DZIP1: variants seen among roughly 807,000 people sequenced by gnomAD.
The protein encoded by DZIP1 is DAZ interacting zinc finger protein 1.
In DZIP1, 97 loss-of-function variants were observed where a neutral mutation model predicts 107.6. That is an observed-to-expected ratio of 0.90 (90% confidence interval 0.77 to 1.07). DZIP1 has a LOEUF of 1.07. DZIP1 is among the 50% of genes least tolerant of loss of function. DZIP1 has a pLI of 0.00. For synonymous variants in DZIP1, 390 were observed against 386.4 expected, an observed-to-expected ratio of 1.01 and a Z score of -0.11; for missense variants, 1,035 against 1,063.6, an observed-to-expected ratio of 0.97 and a Z score of 0.37.
intron 15 of DZIP1, among the ~76,000 whole-genome samples, chr13:95,595,840 T>C (rs1473915539): frequency 6.6e-6 from 1 of 152,152 alleles, no homozygotes; most frequent in Non-Finnish European, 1.5e-5. Flanking sequence ...TGGGGCCACA[T>C]ACAGGGGCAA....
At chr13:95,615,934 A>C (rs766605169) in intron 10 of DZIP1, among the ~76,000 whole-genome samples, 1 of 152,212 alleles carries the variant, frequency 6.6e-6, no homozygotes, top group Non-Finnish European at 1.5e-5. Context: ...TTCCCATGAA[A>C]CCAAAGTTGT....
chr13:95,593,371 A>G (rs376144872), intron 16 of DZIP1, among the ~76,000 whole-genome samples: 21 of 152,360 alleles, frequency 1.4e-4, no homozygotes, highest in South Asian at 1.0e-3. Flanking sequence ...GCATATGTAG[A>G]TGCACTTTTT....
Position 95,612,832 on chromosome 13 carries a change from G to A in DZIP1, c.1174-655C>T, listed in dbSNP as rs140479098. 4.2e-3 allele frequency among the ~76,000 whole-genome samples: 634 copies of A among 152,130 alleles called. 2 individuals are homozygous for A. The highest frequency in any genetic ancestry group is 0.014 in the African/African-American group (593 of 41,504). On this transcript the variant is annotated intron_variant, in intron 10 of 22. Coordinates refer to ENST00000376829, the MANE Select transcript of DZIP1 (RefSeq NM_198968.4). ...AGTCCTGAACTCAGTCGATCCACCC[G>A]CCTTGGCCTCTCAAAGTGTTGGGAT...
At chr13:95,610,662 A>G (rs1409061) in intron 12 of DZIP1, among the ~76,000 whole-genome samples, 6,644 of 152,222 alleles carry the variant, frequency 0.044, 218 homozygotes, top group Admixed American at 0.11. Flanking sequence ...CTTAATAGGT[A>G]TATTATCCCA....
intron 5 of DZIP1, 67 bp from the exon 6 acceptor site, chr13:95,633,388 A>C: frequency 2.8e-6 from 4 of 1,405,910 alleles, no homozygotes; most frequent in Non-Finnish European, 4.0e-6. Context: ...TTGCAATTAA[A>C]ATTCAGGTAC....
chr13:95,636,762 G>A (rs1393396333), intron 5 of DZIP1, among the ~76,000 whole-genome samples: 1 of 152,146 alleles, frequency 6.6e-6, no homozygotes, highest in African/African-American at 2.4e-5. Context: ...TTTCCCAGAA[G>A]TAGAGAAGCC....
intron 5 of DZIP1, among the ~76,000 whole-genome samples, chr13:95,634,052 C>A (rs1012646270): frequency 1.1e-4 from 17 of 152,206 alleles, no homozygotes; most frequent in African/African-American, 4.1e-4. Context: ...GCCCCTGATG[C>A]TGCTCTTGTT....
rs577965114 is a variant in DZIP1 at position 95,587,753 on chromosome 13, G to A, written c.2028-24C>T. 2.5e-6 allele frequency: 4 copies of A among 1,604,470 alleles called. No homozygotes were observed. The Admixed American group carries it at 5.2e-5, about 21-fold the overall frequency. On this transcript the variant is annotated intron_variant, in intron 19 of 22. Transcript: ENST00000376829. ...TCCTACACAAATCAACACCGAGATAGGGGCGCTGTTTTCGTAACGCTTTAG... is the reference window on the plus strand; with the variant it reads ...TCCTACACAAATCAACACCGAGATAAGGGCGCTGTTTTCGTAACGCTTTAG...
chr13:95,619,826 GA>G, intron 10 of DZIP1, 58 bp downstream of exon 10: 2 of 1,524,124 alleles, frequency 1.3e-6, no homozygotes, highest in Non-Finnish European at 9.0e-7. Flanking sequence ...TATTAAAAAG[GA>G]AAGCAAATAT....
At chr13:95,589,566 TGTATCTCCTTCAGAG>T (rs1188502853) in intron 18 of DZIP1, among the ~76,000 whole-genome samples, 1 of 152,178 alleles carries the variant, frequency 6.6e-6, no homozygotes, top group African/African-American at 2.4e-5. Flanking sequence ...GAGGAAGCGA[TGTATCTCCTTCAGAG>T]GTATCTCCAC....
chr13:95,642,061 G>T lies in DZIP1; in HGVS notation c.-32C>A. 1 of 1,518,062 alleles carries T rather than the reference G, an allele frequency of 6.6e-7. No homozygotes were observed. Among genetic ancestry groups the T allele is most frequent in the South Asian group, 1.3e-5 (1 of 78,668 alleles). The allele number at this position is 1,518,062 out of a possible 1,614,324, so 94.0% of individuals were successfully genotyped here. ...AGCCGGGCGGTCTTTACCCAGCCTGGGCCGCCTCCCGGGCCGCCGCCGCCA... is the reference window on the plus strand; with the variant it reads ...AGCCGGGCGGTCTTTACCCAGCCTGTGCCGCCTCCCGGGCCGCCGCCGCCA... On this transcript the variant is annotated 5_prime_UTR_variant, in exon 4 of 23. Coordinates refer to ENST00000376829, the MANE Select transcript of DZIP1 (RefSeq NM_198968.4).
intron 7 of DZIP1, among the ~76,000 whole-genome samples, chr13:95,626,678 A>C (rs1192794493): frequency 6.6e-6 from 1 of 152,246 alleles, no homozygotes; most frequent in Non-Finnish European, 1.5e-5. Flanking sequence ...GCAAAGTTGC[A>C]CAGTACAAGG....
intron 5 of DZIP1, among the ~76,000 whole-genome samples, chr13:95,634,252 C>T (rs1449768525): frequency 6.6e-6 from 1 of 152,246 alleles, no homozygotes; most frequent in African/African-American, 2.4e-5. Flanking sequence ...ATTCATCAAG[C>T]ATCTTCCACG....
Position 95,580,691 on chromosome 13 carries a change from AT to A in DZIP1, c.*1542del, listed in dbSNP as rs1242032392. On this transcript the variant is annotated 3_prime_UTR_variant, in exon 23 of 23. Transcript: ENST00000376829. ...AACCAGACCAAGTGGTTCAATAAAT[AT>A]CTGCTGAATAAATAAATGAATGAAC... 1 of 152,224 alleles carries A rather than the reference AT, an allele frequency of 6.6e-6. No homozygotes were observed. Among genetic ancestry groups the A allele is most frequent in the Non-Finnish European group, 1.5e-5 (1 of 68,038 alleles). The allele number at this position is 152,224 out of a possible 1,614,324, so 9.4% of individuals were successfully genotyped here.
chr13:95,586,042 C>G lies in DZIP1; in HGVS notation c.2313G>C (p.Glu771Asp). ...NKPVGGTNVPEMFIKKEELQE... is the reference protein window; with the variant it reads ...NKPVGGTNVPDMFIKKEELQE... ...GTAATTCTTCTTTTTTGATAAACATCTCAGGGACATTAGTTCCACCGACTG... is the reference window on the plus strand; with the variant it reads ...GTAATTCTTCTTTTTTGATAAACATGTCAGGGACATTAGTTCCACCGACTG... The change falls in exon 21 of 23, where the codon GAG (glutamate) becomes GAC (aspartate). Residue 771 changes from glutamate to aspartate, a missense_variant. Physicochemically the swap from Glu to Asp is conservative, Grantham distance 45 (BLOSUM62 2). Coordinates refer to ENST00000376829, the MANE Select transcript of DZIP1 (RefSeq NM_198968.4). 1 of 1,607,614 alleles carries G rather than the reference C, an allele frequency of 6.2e-7. No individual in the cohort carries two copies. The highest frequency in any genetic ancestry group is 1.7e-5 in the Admixed American group (1 of 58,476).
intron 20 of DZIP1, 77 bp from the exon 21 acceptor site, chr13:95,586,213 G>A: frequency 3.9e-6 from 5 of 1,279,846 alleles, no homozygotes; most frequent in Non-Finnish European, 5.3e-6. Flanking sequence ...TAACCTTACA[G>A]GAAACTTTGA....
Position 95,641,757 on chromosome 13 carries a change from A to T in DZIP1, c.135T>A (p.Cys45Ter). 1 of 1,585,714 alleles carries T rather than the reference A, an allele frequency of 6.3e-7. No individual in the cohort carries two copies. ...AAAAGAASMA[C>*]APPSAASGPL... ...GCCCCGAAGCCGCGCTGGGGGGCGC[A>T]CAGGCCATGGAGGCCGCACCCGCGG... The change falls in exon 5 of 23, where the codon TGT becomes TGA. Residue 45 changes from cysteine (C) to a stop codon, truncating the protein, a stop_gained. Coordinates refer to ENST00000376829, the MANE Select transcript of DZIP1 (RefSeq NM_198968.4). LOFTEE classifies it high-confidence loss of function. This position sits in a 1 kb window ranked among gnomAD's most constrained non-coding sequence, Gnocchi z 4.3.
chr13:95,632,556 C>T (rs1280475178), intron 6 of DZIP1, among the ~76,000 whole-genome samples: 1 of 152,158 alleles, frequency 6.6e-6, no homozygotes, highest in African/African-American at 2.4e-5. Flanking sequence ...CACTGTCGCC[C>T]CAACAGTAGT....
rs1375066916 is a variant in DZIP1 at position 95,622,434 on chromosome 13, A to G, written c.1019T>C (p.Ile340Thr). The change falls in exon 9 of 23, where the codon ATA (isoleucine) becomes ACA (threonine). Residue 340 changes from isoleucine to threonine, a missense_variant. Physicochemically the swap from Ile to Thr is moderately conservative, Grantham distance 89. Coordinates refer to ENST00000376829, the MANE Select transcript of DZIP1 (RefSeq NM_198968.4). ...QKSNMQIKSNIGTLKDAHEFK... is the reference protein window; with the variant it reads ...QKSNMQIKSNTGTLKDAHEFK... ...CTCGTGTGCATCTTTTAATGTGCCT[A>G]TGTTGGACTTGATCTGCATATTGGA... is the stretch of plus-strand genomic sequence containing the variant. The G allele has an allele frequency of 5.6e-6, 9 of 1,614,110 alleles. No individual in the cohort carries two copies. Among genetic ancestry groups the G allele is most frequent in the African/African-American group, 2.7e-5 (2 of 74,944 alleles).
Sources: gnomAD v4.1 joint callset for allele counts (sites outside exome capture counted in the v4.1 genomes callset) on GRCh38, gnomAD v4.1.1 for gene constraint, Gnocchi (gnomAD v3.1) non-coding constraint, MANE v1.5 for transcripts, NCBI Gene and HGNC (gene_info 2026-07-23, HGNC 2026-07-21) for gene names.